Variants in IL1RAPL1 observed in about 807,000 individuals in gnomAD.
IL1RAPL1 encodes the protein interleukin 1 receptor accessory protein like 1.
In IL1RAPL1, 3 loss-of-function variants were observed where a neutral mutation model predicts 48.4. The ratio of observed to expected loss-of-function variants is 0.06; its 90% CI spans 0.03 to 0.16. The LOEUF (loss-of-function observed/expected upper bound fraction) is 0.16. Ranked by LOEUF, IL1RAPL1 falls within the 10% of genes least tolerant of loss-of-function variation. The probability of loss-of-function intolerance (pLI) is 1.00; values close to 1 mark genes in which losing one functional copy is unlikely to be tolerated. For synonymous variants in IL1RAPL1, 185 were observed against 187.7 expected (o/e 0.99, Z 0.12); for missense variants, 349 against 530.6 (o/e 0.66, Z 3.36).
chrX:28,962,468 C>A (rs992916258), intron 2 of IL1RAPL1, among the ~76,000 whole-genome samples: 6 of 111,326 alleles, frequency 5.4e-5, no homozygotes, highest in Admixed American at 1.9e-4. Flanking sequence ...GACCCAGAAT[C>A]CTGGTAGTAA....
intron 2 of IL1RAPL1, among the ~76,000 whole-genome samples, chrX:29,199,455 C>A (rs1418886039): frequency 9.0e-6 from 1 of 111,391 alleles, no homozygotes; most frequent in Non-Finnish European, 1.9e-5. Context: ...TGTAGATGAG[C>A]AGTTCCCAGT....
chrX:29,085,951 A>G (rs1244460138), intron 2 of IL1RAPL1, among the ~76,000 whole-genome samples: 1 of 112,269 alleles, frequency 8.9e-6, no homozygotes, highest in East Asian at 2.8e-4. Context: ...GAGAAAACAC[A>G]TCAGTCACTG....
intron 1 of IL1RAPL1, among the ~76,000 whole-genome samples, chrX:28,778,373 G>A (rs1019440831): frequency 1.8e-5 from 2 of 111,333 alleles, no homozygotes; most frequent in Non-Finnish European, 3.8e-5. Context: ...TCACAAAGGA[G>A]GGCAAATTCA....
At chrX:28,940,495 A>G (rs904738692) in intron 2 of IL1RAPL1, among the ~76,000 whole-genome samples, 2 of 111,046 alleles carry the variant, frequency 1.8e-5, no homozygotes, top group Admixed American at 1.9e-4. Context: ...AGTTTAGAAT[A>G]TGATCTTTTT....
chrX:29,722,216 G>T (rs1927654497), intron 6 of IL1RAPL1, among the ~76,000 whole-genome samples: 1 of 111,745 alleles, frequency 8.9e-6, no homozygotes, highest in African/African-American at 3.2e-5. Flanking sequence ...TTATCTTTTT[G>T]ATTCATATAA....
chrX:29,489,241 A>G lies in IL1RAPL1; in HGVS notation c.703+89933A>G, dbSNP rs192999282. On this transcript the variant is annotated intron_variant, in intron 5 of 10. Transcript: ENST00000378993. ...GCCACAGGGGGTTTATTTTATCTATATGTTGGGGCATAATTTGACAATACA... is the reference window on the plus strand; with the variant it reads ...GCCACAGGGGGTTTATTTTATCTATGTGTTGGGGCATAATTTGACAATACA... Among the ~76,000 whole-genome samples, 116 of 111,334 alleles carry G rather than the reference A, an allele frequency of 1.0e-3. No homozygotes were observed. The Middle Eastern group carries it at 0.018, about 18-fold the overall frequency.
intron 2 of IL1RAPL1, among the ~76,000 whole-genome samples, chrX:29,270,731 G>A (rs747429687): frequency 8.9e-6 from 1 of 112,094 alleles, no homozygotes; most frequent in South Asian, 3.7e-4. Flanking sequence ...TTCACGCTTT[G>A]TTCTTTGAAA....
At chrX:29,238,420 A>G (rs1177953750) in intron 2 of IL1RAPL1, among the ~76,000 whole-genome samples, 1 of 111,685 alleles carries the variant, frequency 9.0e-6, no homozygotes, top group East Asian at 2.8e-4. Context: ...TTCTTCCTGT[A>G]TTACCTATTG....
chrX:28,980,972 T>A (rs770553616), intron 2 of IL1RAPL1, among the ~76,000 whole-genome samples: 16 of 104,380 alleles, frequency 1.5e-4, no homozygotes, highest in African/African-American at 5.6e-4. Context: ...ATGCCTGTAG[T>A]CCCAGCTACT....
intron 2 of IL1RAPL1, among the ~76,000 whole-genome samples, chrX:29,194,557 A>G (rs1930408653): frequency 8.9e-6 from 1 of 112,566 alleles, no homozygotes; most frequent in Admixed American, 9.5e-5. Context: ...TTTTCCTCAA[A>G]GACTTTTCTT....
chrX:28,897,675 G>T (rs1460177566), intron 2 of IL1RAPL1, among the ~76,000 whole-genome samples: 1 of 111,999 alleles, frequency 8.9e-6, no homozygotes, highest in African/African-American at 3.2e-5. Context: ...TCTCCCAAGG[G>T]AGTTCCCCCC....
intron 2 of IL1RAPL1, among the ~76,000 whole-genome samples, chrX:29,218,616 T>C (rs1309985434): frequency 8.9e-6 from 1 of 112,014 alleles, no homozygotes; most frequent in Non-Finnish European, 1.9e-5. Context: ...AAGATCATTA[T>C]TAAAATACTG....
At chrX:28,717,200 A>G (rs1320878709) in intron 1 of IL1RAPL1, among the ~76,000 whole-genome samples, 3 of 112,355 alleles carry the variant, frequency 2.7e-5, no homozygotes, top group Non-Finnish European at 3.8e-5. Context: ...ATGCATGCAT[A>G]TGTTCACTGC....
At chrX:29,193,480 A>G (rs1019798177) in intron 2 of IL1RAPL1, among the ~76,000 whole-genome samples, 3 of 111,508 alleles carry the variant, frequency 2.7e-5, no homozygotes, top group African/African-American at 9.7e-5. Context: ...TAAAAGATAA[A>G]TAGCCTTTTA....
intron 6 of IL1RAPL1, among the ~76,000 whole-genome samples, chrX:29,701,014 T>G (rs962181935): frequency 8.9e-6 from 1 of 112,184 alleles, no homozygotes; most frequent in Non-Finnish European, 1.9e-5. Context: ...TCAGGAACTT[T>G]GATTACAAGG....
chrX:29,770,346 CT>C (rs1208132959), intron 6 of IL1RAPL1, among the ~76,000 whole-genome samples: 12 of 109,993 alleles, frequency 1.1e-4, no homozygotes, highest in Non-Finnish European at 1.3e-4. Context: ...AAACAAAATG[CT>C]TTTTTTTTAA....
At chrX:28,794,329 C>T (rs1363388825) in intron 2 of IL1RAPL1, among the ~76,000 whole-genome samples, 6 of 111,014 alleles carry the variant, frequency 5.4e-5, no homozygotes, top group Admixed American at 2.9e-4. Flanking sequence ...CGTTTAGTGC[C>T]GCTTTAAAGA....
chrX:29,734,588 A>G (rs1002382156), intron 6 of IL1RAPL1, among the ~76,000 whole-genome samples: 7 of 112,481 alleles, frequency 6.2e-5, no homozygotes, highest in African/African-American at 1.9e-4. Flanking sequence ...TTCTACATCT[A>G]GTAAATAACT....
At chrX:29,238,939 G>C (rs968004253) in intron 2 of IL1RAPL1, among the ~76,000 whole-genome samples, 1 of 111,837 alleles carries the variant, frequency 8.9e-6, no homozygotes, top group Non-Finnish European at 1.9e-5. Flanking sequence ...CAAAGAAATG[G>C]ATAATCACCT....
Sources: allele counts gnomAD v4.1 joint callset (sites outside exome capture counted in the v4.1 genomes callset), GRCh38; gene constraint gnomAD v4.1.1; transcripts MANE v1.5; gene names NCBI Gene and HGNC (gene_info 2026-07-23, HGNC 2026-07-21).